Variants in TRPM4 observed in about 807,000 individuals in gnomAD.
TRPM4 encodes calcium-activated non-selective cation channel 1.
In TRPM4, 124 loss-of-function variants were observed where a neutral mutation model predicts 135.6. That is an observed-to-expected ratio of 0.91 (90% CI 0.79 to 1.06). The LOEUF (loss-of-function observed/expected upper bound fraction) is 1.06, where lower values mean the gene tolerates loss of function less well. Ranked by LOEUF, TRPM4 falls within the 50% of genes least tolerant of loss-of-function variation. TRPM4 has a pLI of 0.00. For synonymous variants in TRPM4, 745 were observed against 705.6 expected (o/e 1.06, Z -0.88); for missense variants, 1,658 against 1,671.4 (o/e 0.99, Z 0.14).
At chr19:49,182,130 G>GTCCATTCATCCATCCA (rs1300832709) in intron 10 of TRPM4, among the ~76,000 whole-genome samples, 13 of 41,276 alleles carry the variant, frequency 3.1e-4, no homozygotes, top group Non-Finnish European at 5.2e-4. Flanking sequence ...CCATCCATCT[G>GTCCATTCATCCATCCA]TCCATTCATC....
chr19:49,177,833 A>G (rs1967759403), intron 9 of TRPM4, among the ~76,000 whole-genome samples: 1 of 152,154 alleles, frequency 6.6e-6, no homozygotes, highest in African/African-American at 2.4e-5. Context: ...AGTCTGTATA[A>G]TTCTCAAGCC....
At chr19:49,198,757 CT>C (rs947313501) in intron 17 of TRPM4, among the ~76,000 whole-genome samples, 6 of 149,376 alleles carry the variant, frequency 4.0e-5, no homozygotes, top group African/African-American at 1.5e-4. Context: ...TAGGTTCTCT[CT>C]TTCTTTCTTT....
Position 49,201,859 on chromosome 19 carries a change from CA to C in TRPM4, c.2954-101del, listed in dbSNP as rs11353757. 0.3 allele frequency: 374,470 copies of C among 1,242,714 alleles called. 58,237 individuals are homozygous for C. The highest frequency in any genetic ancestry group is 0.4 in the South Asian group (33,418 of 83,196). 77.0% of individuals were successfully genotyped at this position (1,242,714 alleles called of 1,614,324 possible). On this transcript the variant is annotated intron_variant, in intron 19 of 24. Transcript: ENST00000252826. ...AGGTGATCCGGCCATCTCAGCCTCC[CA>C]AAAGTGCTGGGATTACAGGCGTGAG... is the stretch of plus-strand genomic sequence containing the variant.
chr19:49,188,784 G>A lies in TRPM4; in HGVS notation c.1873+14G>A, dbSNP rs749579755. ...GGATGGGCGTTGGTGCGTGGGGCAC[G>A]GTGCCTGGGAGCAGGGACGGGGGCT... On this transcript the variant is annotated intron_variant, in intron 13 of 24. Transcript: ENST00000252826. 1.2e-6 allele frequency: 2 copies of A among 1,613,690 alleles called. No homozygotes were observed. Among genetic ancestry groups the A allele is most frequent in the South Asian group, 1.1e-5 (1 of 91,062 alleles).
intron 9 of TRPM4, among the ~76,000 whole-genome samples, chr19:49,178,707 G>A (rs1600443579): frequency 6.6e-6 from 1 of 151,830 alleles, no homozygotes; most frequent in Middle Eastern, 3.4e-3. Context: ...GTGACAAATG[G>A]TGCCAGATTA....
intron 16 of TRPM4, among the ~76,000 whole-genome samples, chr19:49,194,841 C>T (rs547429052): frequency 6.7e-6 from 1 of 149,430 alleles, no homozygotes; most frequent in South Asian, 2.2e-4. Context: ...TGGCTCACTG[C>T]AGCCTCAACC....
chr19:49,172,539 T>C (rs56147500), intron 9 of TRPM4, among the ~76,000 whole-genome samples: 1 of 148,470 alleles, frequency 6.7e-6, no homozygotes, highest in Admixed American at 6.7e-5. Context: ...GACAATTCCA[T>C]TCAGTCATTC....
chr19:49,195,473 C>T (rs1031335612), intron 16 of TRPM4, among the ~76,000 whole-genome samples: 2 of 152,084 alleles, frequency 1.3e-5, no homozygotes, highest in Non-Finnish European at 2.9e-5. Flanking sequence ...CGGGTTCAAG[C>T]GATTCTCCTG....
intron 12 of TRPM4, among the ~76,000 whole-genome samples, 197 bp downstream of exon 12, chr19:49,183,409 T>C (rs1295643964): frequency 1.3e-5 from 2 of 152,200 alleles, no homozygotes; most frequent in Non-Finnish European, 2.9e-5. Context: ...TATGTGTTTA[T>C]TTTTTGAGAC....
chr19:49,211,400 C>T lies in TRPM4; in HGVS notation c.3641-94C>T. ...CTCCTTTGAGCCTTTTGTACTCTCGCCTTCGTCTTTCTTCTTTTTTGCCAG... is the reference window on the plus strand; with the variant it reads ...CTCCTTTGAGCCTTTTGTACTCTCGTCTTCGTCTTTCTTCTTTTTTGCCAG... On this transcript the variant is annotated intron_variant, in intron 24 of 24. Transcript: ENST00000252826. This position sits in a 1 kb window ranked among gnomAD's most constrained non-coding sequence, Gnocchi z 4.8. 2.5e-6 allele frequency: 4 copies of T among 1,602,180 alleles called. No homozygotes were observed. Among genetic ancestry groups the T allele is most frequent in the Non-Finnish European group, 3.4e-6 (4 of 1,172,086 alleles).
chr19:49,200,855 T>C, intron 19 of TRPM4, 70 bp downstream of exon 19: 2 of 1,533,154 alleles, frequency 1.3e-6, no homozygotes, highest in Non-Finnish European at 1.8e-6. Flanking sequence ...TCTGTCCTCC[T>C]GGCTCTAAGA....
chr19:49,190,412 G>A, intron 15 of TRPM4, 92 bp downstream of exon 15: 1 of 1,166,164 alleles, frequency 8.6e-7, no homozygotes, highest in South Asian at 1.3e-5. Context: ...TCCCTCATCG[G>A]CCCATTGTGT....
chr19:49,201,345 GA>G (rs1166231094), intron 19 of TRPM4, among the ~76,000 whole-genome samples: 1 of 152,170 alleles, frequency 6.6e-6, no homozygotes, highest in Non-Finnish European at 1.5e-5. Flanking sequence ...GTGGAATGTT[GA>G]GAAAGGTAAA....
At chr19:49,162,329 A>G (rs1192445979) in intron 2 of TRPM4, among the ~76,000 whole-genome samples, 1 of 152,156 alleles carries the variant, frequency 6.6e-6, no homozygotes. Context: ...ACTTGAGGTC[A>G]GGAGTTTGAG....
At chr19:49,168,224 C>A in intron 4 of TRPM4, 36 bp from the exon 5 acceptor site, 4 of 1,613,598 alleles carry the variant, frequency 2.5e-6, no homozygotes, top group Non-Finnish European at 2.5e-6. Context: ...TTGTTTCTCT[C>A]CCCCTGCCTC....
Position 49,183,163 on chromosome 19 carries a change from G to GGGCACTGTTGC in TRPM4, c.1695_1705dup (p.Leu569ArgfsTer5), listed in dbSNP as rs773685894. The stretch of plus-strand genomic sequence containing the variant: ...GCCCCCTGGAGCGACCTGCTTCTTT[G>GGGCACTGTTGC]GGCACTGTTGCTGAACAGGGCACAG... On this transcript the variant is annotated frameshift_variant, in exon 12 of 25. Transcript: ENST00000252826. LOFTEE classifies it high-confidence loss of function. 3 of 1,614,094 alleles carry GGGCACTGTTGC rather than the reference G, an allele frequency of 1.9e-6. No homozygotes were observed. Among genetic ancestry groups the GGGCACTGTTGC allele is most frequent in the Non-Finnish European group, 2.5e-6 (3 of 1,180,004 alleles).
At chr19:49,204,119 C>T in intron 20 of TRPM4, among the ~76,000 whole-genome samples, 1 of 151,792 alleles carries the variant, frequency 6.6e-6, no homozygotes, top group East Asian at 1.9e-4. Context: ...GACTCCATCT[C>T]AAAAAAAGAA....
intron 2 of TRPM4, among the ~76,000 whole-genome samples, chr19:49,165,514 A>C (rs1283625851): frequency 6.6e-6 from 1 of 152,074 alleles, no homozygotes; most frequent in Non-Finnish European, 1.5e-5. Context: ...TCATTTCAGG[A>C]AACACGGCGT....
At chr19:49,157,911 T>C in intron 1 of TRPM4, 21 bp downstream of exon 1, 1 of 1,535,186 alleles carries the variant, frequency 6.5e-7, no homozygotes. Flanking sequence ...GACCAGGGTC[T>C]GCGGGAGCGC....
Sources: allele counts gnomAD v4.1 joint callset (sites outside exome capture counted in the v4.1 genomes callset), GRCh38; gene constraint gnomAD v4.1.1; non-coding constraint Gnocchi (gnomAD v3.1); transcripts MANE v1.5; gene names NCBI Gene and HGNC (gene_info 2026-07-23, HGNC 2026-07-21).